The following CCDC171 variants were observed in gnomAD, a reference collection of about 807,000 sequenced individuals.
The protein encoded by CCDC171 is coiled-coil domain containing 171.
Under a neutral mutation model 168.2 loss-of-function variants are expected in CCDC171, and 177 were observed. The observed-to-expected ratio is 1.05, with a 90% CI of 0.93 to 1.19. The LOEUF (loss-of-function observed/expected upper bound fraction) is 1.19. Among genes scored for constraint, CCDC171 ranks in the 50% most tolerant of loss-of-function variants. CCDC171 has a pLI of 0.00. For synonymous variants in CCDC171, 687 were observed against 540.8 expected, an observed-to-expected ratio of 1.27 and a Z score of -3.75; for missense variants, 1,991 against 1,539.0, an observed-to-expected ratio of 1.29 and a Z score of -4.91.
intron 6 of CCDC171, among the ~76,000 whole-genome samples, chr9:15,599,126 T>C (rs911222226): frequency 1.3e-5 from 2 of 152,214 alleles, no homozygotes; most frequent in African/African-American, 4.8e-5. Flanking sequence ...TGTCTTTTAA[T>C]TGGAGCATTT....
At chr9:15,586,795 A>T (rs890412351) in intron 4 of CCDC171, among the ~76,000 whole-genome samples, 1 of 151,938 alleles carries the variant, frequency 6.6e-6, no homozygotes, top group African/African-American at 2.4e-5. Flanking sequence ...CTTCCCTTTA[A>T]TTAATTAATT....
chr9:16,087,381 C>T, the CCDC171 span, among the ~76,000 whole-genome samples: 1 of 152,068 alleles, frequency 6.6e-6, no homozygotes, highest in Non-Finnish European at 1.5e-5. Flanking sequence ...CTTTGTAGGT[C>T]TCTAAGAACT....
intron 8 of CCDC171, among the ~76,000 whole-genome samples, chr9:15,659,313 C>G (rs1006556178): frequency 6.6e-6 from 1 of 152,120 alleles, no homozygotes; most frequent in Admixed American, 6.5e-5. Flanking sequence ...GTTGGACCTG[C>G]TACTTTCTTG....
At chr9:15,961,078 T>C (rs1490460450) in intron 25 of CCDC171, among the ~76,000 whole-genome samples, 1 of 152,182 alleles carries the variant, frequency 6.6e-6, no homozygotes, top group Non-Finnish European at 1.5e-5. Flanking sequence ...AGATGTGTGA[T>C]TGACAGATAC....
intron 23 of CCDC171, among the ~76,000 whole-genome samples, chr9:15,853,527 G>GA (rs920180086): frequency 1.3e-5 from 2 of 151,514 alleles, no homozygotes; most frequent in African/African-American, 4.8e-5. Flanking sequence ...CTACATGTAA[G>GA]ATTATGTTAT....
intron 23 of CCDC171, among the ~76,000 whole-genome samples, chr9:15,868,102 A>AT (rs1213649368): frequency 1.3e-5 from 2 of 152,028 alleles, no homozygotes; most frequent in Non-Finnish European, 2.9e-5. Context: ...GGATGTAACT[A>AT]TAATGTGTGG....
intron 7 of CCDC171, among the ~76,000 whole-genome samples, chr9:15,637,050 G>C (rs906151325): frequency 7.2e-5 from 11 of 152,086 alleles, no homozygotes; most frequent in African/African-American, 2.7e-4. Context: ...GAGGTCAGGA[G>C]TTTGAGACCA....
chr9:15,809,828 G>T (rs1228053303), intron 21 of CCDC171, among the ~76,000 whole-genome samples: 2 of 152,190 alleles, frequency 1.3e-5, no homozygotes, highest in South Asian at 2.1e-4. Context: ...TGCCACTGCT[G>T]CCTGGGGCAG....
At chr9:15,992,423 A>C (rs989311412) in intron 3 of CCDC171, among the ~76,000 whole-genome samples, 2 of 152,218 alleles carry the variant, frequency 1.3e-5, no homozygotes, top group Non-Finnish European at 2.9e-5. Context: ...TCAATAAATT[A>C]GGTATTGATG....
chr9:15,838,459 A>G (rs190854869), intron 21 of CCDC171, among the ~76,000 whole-genome samples: 2 of 152,348 alleles, frequency 1.3e-5, no homozygotes, highest in African/African-American at 2.4e-5. Context: ...CACAGCCTAG[A>G]ATCCTTCAGA....
intron 21 of CCDC171, among the ~76,000 whole-genome samples, chr9:15,809,868 C>G (rs747216305): frequency 2.0e-5 from 3 of 152,186 alleles, no homozygotes; most frequent in Non-Finnish European, 4.4e-5. Context: ...CTGGACCCAC[C>G]CACATCCTGC....
chr9:15,874,626 A>T lies in CCDC171; in HGVS notation c.3563A>T (p.Glu1188Val). ...CTGCACCTGGAGACCTTTGCAATGGAGGGGCTCAAGGGCGGGCCAGAGGTG... is the reference window on the plus strand; with the variant it reads ...CTGCACCTGGAGACCTTTGCAATGGTGGGGCTCAAGGGCGGGCCAGAGGTG... ...PKLHLETFAM[E>V]GLKGGPEVVA... Residue 1188 changes from glutamate to valine, a missense_variant, in exon 24 of 26, where the codon GAG becomes GTG. Glu to Val is a moderately radical substitution (Grantham distance 121, BLOSUM62 -2). Coordinates refer to ENST00000380701, the MANE Select transcript of CCDC171 (RefSeq NM_173550.4). The T allele has an allele frequency of 1.2e-6, 2 of 1,603,530 alleles. No individual in the cohort carries two copies. The highest frequency in any genetic ancestry group is 1.7e-6 in the Non-Finnish European group (2 of 1,174,946).
At chr9:15,749,069 C>A (rs1564339701) in intron 18 of CCDC171, among the ~76,000 whole-genome samples, 1 of 151,726 alleles carries the variant, frequency 6.6e-6, no homozygotes, top group African/African-American at 2.4e-5. Context: ...ATTCAGGAGA[C>A]CCATCTCACA....
At chr9:15,907,962 C>G (rs1417380856) in intron 24 of CCDC171, among the ~76,000 whole-genome samples, 2 of 152,100 alleles carry the variant, frequency 1.3e-5, no homozygotes, top group Non-Finnish European at 2.9e-5. Flanking sequence ...GAGATACCAT[C>G]TCACACCATT....
In CCDC171 at chr9:15,971,705, G is replaced by A. The variant is rs144746712; in HGVS notation, c.3850G>A (p.Glu1284Lys). Residue 1284 changes from glutamate (E) to lysine (K), a missense_variant, in exon 26 of 26, where the codon GAA becomes AAA. Physicochemically the swap from Glu to Lys is moderately conservative, Grantham distance 56. Coordinates refer to ENST00000380701, the MANE Select transcript of CCDC171 (RefSeq NM_173550.4). ...GIGDFLPLKA[E>K]LDTTYTFLKE... ...TGGGGATTTCTTACCATTGAAAGCT[G>A]AACTTGATACTACTTACACTTTCTT... 1 of 1,613,698 alleles carries A rather than the reference G, an allele frequency of 6.2e-7. No individual in the cohort carries two copies. The highest frequency in any genetic ancestry group is 8.5e-7 in the Non-Finnish European group (1 of 1,179,832).
chr9:16,031,481 T>C (rs1441122288), intron 6 of CCDC171, among the ~76,000 whole-genome samples: 1 of 151,920 alleles, frequency 6.6e-6, no homozygotes, highest in Non-Finnish European at 1.5e-5. Flanking sequence ...CACACTAGAG[T>C]CACAGTGTTT....
At chr9:16,031,827 T>C (rs1310668144) in intron 6 of CCDC171, among the ~76,000 whole-genome samples, 2 of 152,142 alleles carry the variant, frequency 1.3e-5, no homozygotes, top group Non-Finnish European at 2.9e-5. Flanking sequence ...CTGGACACCA[T>C]GGTCTGTGAG....
intron 25 of CCDC171, among the ~76,000 whole-genome samples, chr9:15,967,841 C>G (rs1243578627): frequency 6.6e-6 from 1 of 152,166 alleles, no homozygotes; most frequent in Non-Finnish European, 1.5e-5. Flanking sequence ...GAAGACTTAA[C>G]TTGATCATAA....
intron 25 of CCDC171, among the ~76,000 whole-genome samples, chr9:15,937,149 G>A (rs979880278): frequency 8.6e-5 from 13 of 151,700 alleles, no homozygotes; most frequent in Admixed American, 2.0e-4. Flanking sequence ...TGGTTTAACC[G>A]CCCAATTTTA....
Sources: allele counts gnomAD v4.1 joint callset (sites outside exome capture counted in the v4.1 genomes callset), GRCh38; gene constraint gnomAD v4.1.1; transcripts MANE v1.5; gene names NCBI Gene and HGNC (gene_info 2026-07-23, HGNC 2026-07-21).